KLK1: variants seen among roughly 807,000 people sequenced by gnomAD.
The protein encoded by KLK1 is kallikrein 1, also known as kallikrein-1.
A neutral mutation model predicts 23.3 loss-of-function variants in KLK1; 22 were observed. The ratio of observed to expected loss-of-function variants is 0.95; its 90% confidence interval spans 0.68 to 1.35. The LOEUF (loss-of-function observed/expected upper bound fraction) is 1.35, where lower values mean the gene tolerates loss of function less well. Among genes scored for constraint, KLK1 ranks in the 40% most tolerant of loss-of-function variants. The pLI is 0.00. For synonymous variants in KLK1, 140 were observed against 135.8 expected (o/e 1.03, Z -0.21); for missense variants, 301 against 338.9 (o/e 0.89, Z 0.88).
In KLK1 at chr19:50,821,202, T is replaced by A. The variant is rs1227795109; in HGVS notation, c.206+510A>T. Among the ~76,000 whole-genome samples, 1 of 152,146 alleles carries A rather than the reference T, an allele frequency of 6.6e-6. No homozygotes were observed. On this transcript the variant is annotated intron_variant, in intron 2 of 4. Coordinates refer to ENST00000301420, the MANE Select transcript of KLK1 (RefSeq NM_002257.4). This position sits in a 1 kb window ranked among gnomAD's most constrained non-coding sequence, Gnocchi z 5.6. Reference sequence around the variant, plus strand: ...GTCTCTCCAGAGTGGAGGGATATCCTGTGGGGCGGGGAGCTGGACAGAGGG... The same window carrying A: ...GTCTCTCCAGAGTGGAGGGATATCCAGTGGGGCGGGGAGCTGGACAGAGGG...
chr19:50,820,252 A>T lies in KLK1; in HGVS notation c.398T>A (p.Ile133Asn). ...CTCCACGACCTTCACAGCATCTGTGATGGTATCAGCAGGCTCTGTCAGGCG... is the reference window on the plus strand; with the variant it reads ...CTCCACGACCTTCACAGCATCTGTGTTGGTATCAGCAGGCTCTGTCAGGCG... ...LLRLTEPADT[I>N]TDAVKVVELP... Residue 133 changes from isoleucine (I) to asparagine (N), a missense_variant, in exon 3 of 5, where the codon ATC becomes AAC. Physicochemically the swap from Ile to Asn is moderately radical, Grantham distance 149. Coordinates refer to ENST00000301420, the MANE Select transcript of KLK1 (RefSeq NM_002257.4). 6.2e-7 allele frequency: 1 copy of T among 1,613,954 alleles called. No homozygotes were observed. Among genetic ancestry groups the T allele is most frequent in the Non-Finnish European group, 8.5e-7 (1 of 1,179,990 alleles).
Position 50,821,815 on chromosome 19 carries a change from A to G in KLK1, c.103T>C (p.Ser35Pro). 1 of 1,613,840 alleles carries G rather than the reference A, an allele frequency of 6.2e-7. No individual in the cohort carries two copies. The highest frequency in any genetic ancestry group is 8.5e-7 in the Non-Finnish European group (1 of 1,179,952). ...TACAGAGCCGCCTGCCAGGGCTGGG[A>G]ATGCTGCTCACACTCCCAGCCTCCC... ...IVGGWECEQH[S>P]QPWQAALYHF... is the part of the protein sequence containing the mutation. The change falls in exon 2 of 5, where the codon TCC becomes CCC. Residue 35 changes from serine to proline, a missense_variant. By Grantham distance (74) the Ser-to-Pro change is moderately conservative. Coordinates refer to ENST00000301420, the MANE Select transcript of KLK1 (RefSeq NM_002257.4). This position sits in a 1 kb window ranked among gnomAD's most constrained non-coding sequence, Gnocchi z 5.6.
chr19:50,823,562 G>T, intron 1 of KLK1, 141 bp downstream of exon 1: 1 of 533,034 alleles, frequency 1.9e-6, no homozygotes, highest in South Asian at 3.4e-5. Context: ...GATAAGAGCC[G>T]GGGCACCCCG....
chr19:50,820,510 A>AG, intron 2 of KLK1, 67 bp from the exon 3 acceptor site: 1 of 199,470 alleles, frequency 5.0e-6, no homozygotes, highest in Non-Finnish European at 9.7e-6. Flanking sequence ...GCAGGGGAGC[A>AG]TGGGGGAGGG....
In KLK1 at chr19:50,822,385, G is replaced by C. The variant is rs190914860; in HGVS notation, c.47-514C>G. 231 of 986,898 alleles carry C rather than the reference G, an allele frequency of 2.3e-4. 1 individual carries two copies. The African/African-American group carries it at 3.7e-3, about 16-fold the overall frequency. The allele number at this position is 986,898 out of a possible 1,614,324, so 61.1% of individuals were successfully genotyped here. A position where few individuals can be genotyped will look rare whatever the true frequency, so the allele number is the denominator to read the frequency against. On this transcript the variant is annotated intron_variant, in intron 1 of 4. Transcript: ENST00000301420. ...GAAAGGATGCAGCTTTAGGGAACCAGGTCTGAGAGGTAAAGAAGAGCATCT... is the reference window on the plus strand; with the variant it reads ...GAAAGGATGCAGCTTTAGGGAACCACGTCTGAGAGGTAAAGAAGAGCATCT...
intron 1 of KLK1, among the ~76,000 whole-genome samples, chr19:50,823,414 G>C (rs959348958): frequency 2.6e-5 from 4 of 152,128 alleles, no homozygotes; most frequent in Non-Finnish European, 5.9e-5. Context: ...TTGGTAAAGC[G>C]GTGGGACAGG....
rs754617322 is a variant in KLK1 at position 50,819,332 on chromosome 19, C to T, written c.651G>A (p.Pro217=). The change falls in exon 5 of 5, where the codon CCG becomes CCA. Residue 217 remains proline (P), a synonymous_variant. Transcript: ENST00000301420. ...CTTGGAGCACACCATCACACATCAG[C>T]GGGCCCCCTGAATCACCCTGGGAGC... ...KDTCVGDSGG[P]LMCDGVLQGV... is the part of the protein sequence containing the mutation. The T allele has an allele frequency of 4.8e-5, 77 of 1,610,708 alleles. No individual in the cohort carries two copies. The highest frequency in any genetic ancestry group is 3.3e-4 in the Middle Eastern group (2 of 6,068).
chr19:50,822,287 G>GA, intron 1 of KLK1: 1 of 996,388 alleles, frequency 1.0e-6, no homozygotes, highest in African/African-American at 1.7e-5. Context: ...GAGGCTCACT[G>GA]AGGAAGAATC....
chr19:50,821,024 C>T lies in KLK1; in HGVS notation c.207-581G>A, dbSNP rs972995567. The stretch of plus-strand genomic sequence containing the variant: ...CTCAGCTGCAGCTGGGGCTGTGGTG[C>T]GGGCTCCCCAGGGGCAGGTGGCCTG... On this transcript the variant is annotated intron_variant, in intron 2 of 4. Coordinates refer to ENST00000301420, the MANE Select transcript of KLK1 (RefSeq NM_002257.4). This position sits in a 1 kb window ranked among gnomAD's most constrained non-coding sequence, Gnocchi z 5.6. 6.6e-6 allele frequency among the ~76,000 whole-genome samples: 1 copy of T among 152,056 alleles called. No homozygotes were observed. The highest frequency in any genetic ancestry group is 2.4e-5 in the African/African-American group (1 of 41,402).
chr19:50,820,618 T>G, intron 2 of KLK1, 175 bp from the exon 3 acceptor site: 1 of 559,084 alleles, frequency 1.8e-6, no homozygotes, highest in Non-Finnish European at 3.1e-6. Context: ...AATGGGAAGA[T>G]GAAAGATTTT....
Position 50,820,138 on chromosome 19 carries a change from G to A in KLK1, c.496+16C>T. The A allele has an allele frequency of 6.3e-7, 1 of 1,599,940 alleles. No individual in the cohort carries two copies. The highest frequency in any genetic ancestry group is 8.5e-7 in the Non-Finnish European group (1 of 1,171,252). On this transcript the variant is annotated intron_variant, in intron 3 of 4. Transcript: ENST00000301420. The stretch of plus-strand genomic sequence containing the variant: ...CCCCATCCCCGCCTTGGGCTACACA[G>A]TCTGCCCCCACATACAATTCTCTGG...
In KLK1 at chr19:50,821,741, C is replaced by T; in HGVS notation, c.177G>A (p.Trp59Ter). ...TGATGCAATGAGCAGCTGTGAGCAC[C>T]CACTGGCGGTGCACCAGGATGCCCC... ...QCGGILVHRQ[W>*]VLTAAHCISD... is the part of the protein sequence containing the mutation. Residue 59 changes from tryptophan (W) to a stop codon, truncating the protein, a stop_gained, in exon 2 of 5, where the codon TGG becomes TGA. Transcript: ENST00000301420. LOFTEE classifies it high-confidence loss of function. This position sits in a 1 kb window ranked among gnomAD's most constrained non-coding sequence, Gnocchi z 5.6. 12 of 1,613,604 alleles carry T rather than the reference C, an allele frequency of 7.4e-6. No homozygotes were observed. Among genetic ancestry groups the T allele is most frequent in the Non-Finnish European group, 1.0e-5 (12 of 1,179,788 alleles).
chr19:50,820,131 C>T, intron 3 of KLK1, 23 bp downstream of exon 3: 1 of 1,600,386 alleles, frequency 6.2e-7, no homozygotes, highest in Non-Finnish European at 8.5e-7. Flanking sequence ...CCGCCTTGGG[C>T]TACACAGTCT....
intron 2 of KLK1, 52 bp from the exon 3 acceptor site, chr19:50,820,495 A>ATGGGTAATTGGGTT: frequency 3.2e-6 from 1 of 308,346 alleles, no homozygotes. Flanking sequence ...GGAAAAGGGG[A>ATGGGTAATTGGGTT]TGGGGCAGGG....
rs182663901 is a variant in KLK1, at chr19:50,819,410, G to A, written c.634-61C>T. ...GTCTACGGGGCCCAAGTTCTGCCTG[G>A]GGAGCCCCAGCTCGCAGACAGGGCC... is the stretch of plus-strand genomic sequence containing the variant. On this transcript the variant is annotated intron_variant, in intron 4 of 4. Coordinates refer to ENST00000301420, the MANE Select transcript of KLK1 (RefSeq NM_002257.4). The A allele has an allele frequency of 2.0e-5, 30 of 1,520,416 alleles. No individual in the cohort carries two copies. In the East Asian group the frequency reaches 2.5e-4, roughly 13 times the overall value. 94.2% of individuals were successfully genotyped at this position (1,520,416 alleles called of 1,614,324 possible).
chr19:50,822,641 CG>C, intron 1 of KLK1: 1 of 980,854 alleles, frequency 1.0e-6, no homozygotes, highest in Middle Eastern at 5.2e-4. Context: ...AGGACTGGGA[CG>C]GGGCTCAGGA....
chr19:50,822,101 T>G, intron 1 of KLK1: 1 of 1,317,364 alleles, frequency 7.6e-7, no homozygotes, highest in Non-Finnish European at 9.7e-7. Flanking sequence ...GCTCTGACAG[T>G]AGAGCAGCCT....
Position 50,821,099 on chromosome 19 carries a change from G to T in KLK1, c.206+613C>A, listed in dbSNP as rs943076109. Among the ~76,000 whole-genome samples the T allele has an allele frequency of 1.3e-5, 2 of 152,090 alleles. No individual in the cohort carries two copies. The highest frequency in any genetic ancestry group is 2.9e-5 in the Non-Finnish European group (2 of 67,996). ...CCTTCCCTTCCCAGCACCCTCCCGC[G>T]CGTTTCTCGCCCCGCCTCCTCCTTC... is the stretch of plus-strand genomic sequence containing the variant. On this transcript the variant is annotated intron_variant, in intron 2 of 4. Coordinates refer to ENST00000301420, the MANE Select transcript of KLK1 (RefSeq NM_002257.4). The surrounding 1 kb of genome is among the most constrained non-coding windows in gnomAD (Gnocchi z 5.6).
In KLK1 at chr19:50,819,265, T is replaced by C; in HGVS notation, c.718A>G (p.Lys240Glu). 1 of 1,613,998 alleles carries C rather than the reference T, an allele frequency of 6.2e-7. No individual in the cohort carries two copies. The highest frequency in any genetic ancestry group is 1.3e-5 in the African/African-American group (1 of 74,988). Residue 240 changes from lysine to glutamate, a missense_variant, in exon 5 of 5, where the codon AAG becomes GAG. By Grantham distance (56) the Lys-to-Glu change is moderately conservative. Transcript: ENST00000301420. Reference sequence around the variant, plus strand: ...AGCACTCTGACGGCGACAGAAGGCTTATTGGGGGTGCCACAAGGGACGTAG... The same window carrying C: ...AGCACTCTGACGGCGACAGAAGGCTCATTGGGGGTGCCACAAGGGACGTAG... Reference protein sequence around the residue: ...WGYVPCGTPNKPSVAVRVLSY... With the variant: ...WGYVPCGTPNEPSVAVRVLSY...
Sources: gnomAD v4.1 joint callset for allele counts (sites outside exome capture counted in the v4.1 genomes callset) on GRCh38, gnomAD v4.1.1 for gene constraint, Gnocchi (gnomAD v3.1) non-coding constraint, MANE v1.5 for transcripts, NCBI Gene and HGNC (gene_info 2026-07-23, HGNC 2026-07-21) for gene names.